SLC35F3: variants seen among roughly 807,000 people sequenced by gnomAD.
SLC35F3 encodes solute carrier family 35 member F3.
SLC35F3 carries 25 observed loss-of-function variants against 49.9 expected under a neutral mutation model. The ratio of observed to expected loss-of-function variants is 0.50; its 90% CI spans 0.37 to 0.70. The LOEUF is 0.70. SLC35F3 is among the 30% of genes least tolerant of loss of function. The probability of loss-of-function intolerance (pLI) is 0.00; values close to 1 mark genes in which losing one functional copy is unlikely to be tolerated. For missense variants in SLC35F3, 525 were observed against 639.8 expected, an observed-to-expected ratio of 0.82 and a Z score of 1.94; for synonymous variants, 275 against 265.4, an observed-to-expected ratio of 1.04 and a Z score of -0.35.
At chr1:233,938,695 TGGA>T (rs1662373713) in intron 2 of SLC35F3, among the ~76,000 whole-genome samples, 1 of 151,114 alleles carries the variant, frequency 6.6e-6, no homozygotes, top group Middle Eastern at 3.2e-3. Flanking sequence ...GATGGATGGA[TGGA>T]TGAATGGATG....
At chr1:234,011,545 G>A (rs1352233693) in intron 2 of SLC35F3, among the ~76,000 whole-genome samples, 4 of 152,080 alleles carry the variant, frequency 2.6e-5, no homozygotes, top group African/African-American at 9.7e-5. Context: ...ACATTGCAAG[G>A]CATACTCACG....
chr1:234,261,258 G>T (rs1252228059), intron 3 of SLC35F3, among the ~76,000 whole-genome samples: 3 of 152,154 alleles, frequency 2.0e-5, no homozygotes, highest in Non-Finnish European at 4.4e-5. Context: ...AGGAATAAAA[G>T]AACGGCCACT....
chr1:234,188,120 C>T lies in SLC35F3; in HGVS notation c.284-43297C>T, dbSNP rs536186378. ...GGCATGGTGGCACATGCCTGTAATC[C>T]CAGCTACTTGGTAGGCTGAGGCAGG... On this transcript the variant is annotated intron_variant, in intron 2 of 7. Transcript: ENST00000366618. 5.9e-5 allele frequency among the ~76,000 whole-genome samples: 9 copies of T among 152,172 alleles called. No individual in the cohort carries two copies. The East Asian group carries it at 1.7e-3, about 29-fold the overall frequency.
At chr1:234,152,076 G>A (rs1432651160) in intron 2 of SLC35F3, among the ~76,000 whole-genome samples, 1 of 149,848 alleles carries the variant, frequency 6.7e-6, no homozygotes, top group African/African-American at 2.5e-5. Flanking sequence ...ATATTTTCTT[G>A]TAAAGTTATG....
At chr1:234,171,869 A>G (rs1369164560) in intron 2 of SLC35F3, among the ~76,000 whole-genome samples, 1 of 152,218 alleles carries the variant, frequency 6.6e-6, no homozygotes, top group African/African-American at 2.4e-5. Flanking sequence ...TGATCACTAT[A>G]CATTATATGT....
At chr1:234,059,667 G>GACATAC (rs1664512123) in intron 2 of SLC35F3, among the ~76,000 whole-genome samples, 1 of 150,492 alleles carries the variant, frequency 6.6e-6, no homozygotes, top group Non-Finnish European at 1.5e-5. Flanking sequence ...CATAGACATA[G>GACATAC]ACATAGACAT....
Position 234,046,677 on chromosome 1 carries a change from G to A in SLC35F3, c.283+140919G>A, listed in dbSNP as rs1462457081. On this transcript the variant is annotated intron_variant, in intron 2 of 7. Transcript: ENST00000366618. This position sits in a 1 kb window ranked among gnomAD's most constrained non-coding sequence, Gnocchi z 4.4. ...TCTAAGAAGTACTTCTGTAGTCTGAGATTATAAAGATATTCTTCTACTATT... is the reference window on the plus strand; with the variant it reads ...TCTAAGAAGTACTTCTGTAGTCTGAAATTATAAAGATATTCTTCTACTATT... Among the ~76,000 whole-genome samples, 1 of 152,086 alleles carries A rather than the reference G, an allele frequency of 6.6e-6. No individual in the cohort carries two copies. Among genetic ancestry groups the A allele is most frequent in the South Asian group, 2.1e-4 (1 of 4,822 alleles).
intron 2 of SLC35F3, among the ~76,000 whole-genome samples, chr1:234,050,943 G>A (rs9435497): frequency 0.019 from 2,871 of 152,234 alleles, 98 homozygotes; most frequent in African/African-American, 0.066. Context: ...AGATCACATG[G>A]TTGTAGATGT....
intron 2 of SLC35F3, among the ~76,000 whole-genome samples, chr1:234,147,825 A>G (rs145683414): frequency 6.6e-6 from 1 of 152,344 alleles, no homozygotes; most frequent in Non-Finnish European, 1.5e-5. Context: ...TTATTACAGT[A>G]CAGAGTGCTG....
In SLC35F3 at chr1:234,231,392, C is replaced by A. The variant is rs1379288230; in HGVS notation, c.284-25C>A. ...CAGGGGTGAAGGTCTGCAGGCCCCG[C>A]TAACCACGCCCTTCTCTTCCCCAGG... On this transcript the variant is annotated intron_variant, in intron 2 of 7. Coordinates refer to ENST00000366618, the MANE Select transcript of SLC35F3 (RefSeq NM_173508.4). This position sits in a 1 kb window ranked among gnomAD's most constrained non-coding sequence, Gnocchi z 5.4. 1.4e-6 allele frequency: 2 copies of A among 1,481,136 alleles called. No individual in the cohort carries two copies. The highest frequency in any genetic ancestry group is 2.5e-5 in the East Asian group (1 of 40,708). The allele number at this position is 1,481,136 out of a possible 1,614,324, so 91.7% of individuals were successfully genotyped here.
intron 2 of SLC35F3, among the ~76,000 whole-genome samples, chr1:233,993,441 C>G (rs956820294): frequency 7.9e-5 from 12 of 152,210 alleles, no homozygotes; most frequent in Admixed American, 5.2e-4. Context: ...AGCTAAAACT[C>G]ACAGCTTTCT....
chr1:234,170,010 G>A (rs1014359636), intron 2 of SLC35F3, among the ~76,000 whole-genome samples: 32 of 152,010 alleles, frequency 2.1e-4, no homozygotes, highest in Non-Finnish European at 1.9e-4. Context: ...CTCATGATCC[G>A]CCTGCCTCGG....
intron 2 of SLC35F3, among the ~76,000 whole-genome samples, chr1:234,183,979 AGAGACCTATCAGCTATAACAAAAAAAG>A (rs1666597320): frequency 8.5e-6 from 1 of 117,498 alleles, no homozygotes; most frequent in Admixed American, 1.4e-4. Context: ...TGAGATCTTA[AGAGACCTATCAGCTATAACAAAAAAAG>A]GAGCACTCAG....
intron 3 of SLC35F3, among the ~76,000 whole-genome samples, chr1:234,307,096 G>A (rs774356562): frequency 2.0e-5 from 3 of 152,184 alleles, no homozygotes; most frequent in Non-Finnish European, 4.4e-5. Context: ...ACTGCCCCTG[G>A]GGGAACAGAC....
chr1:234,275,348 T>A (rs1028232385), intron 3 of SLC35F3, among the ~76,000 whole-genome samples: 3 of 150,706 alleles, frequency 2.0e-5, no homozygotes, highest in African/African-American at 7.4e-5. Context: ...AAAAAAAAAA[T>A]TAGAAATTCA....
intron 3 of SLC35F3, among the ~76,000 whole-genome samples, chr1:234,246,060 C>T (rs2102959353): frequency 6.6e-6 from 1 of 152,302 alleles, no homozygotes; most frequent in Middle Eastern, 3.4e-3. Context: ...GGTATTGCTG[C>T]TACCACCTTT....
intron 2 of SLC35F3, among the ~76,000 whole-genome samples, chr1:233,932,571 T>C (rs1662262513): frequency 6.6e-6 from 1 of 152,306 alleles, no homozygotes; most frequent in Non-Finnish European, 1.5e-5. Flanking sequence ...TGTATGTGTA[T>C]GTAAAAGGGT....
Position 234,231,698 on chromosome 1 carries a change from G to C in SLC35F3, c.565G>C (p.Val189Leu). Residue 189 changes from valine to leucine, a missense_variant, in exon 3 of 8, where the codon GTC becomes CTC. Val to Leu is a conservative substitution (Grantham distance 32, BLOSUM62 1). This residue lies in a region of SLC35F3 where 216 missense variants were observed against 298.1 expected (regional missense o/e 0.72). Transcript: ENST00000366618. This position sits in a 1 kb window ranked among gnomAD's most constrained non-coding sequence, Gnocchi z 5.4. ...LFFPLYYVGH[V>L]CKSTEKQSVK... is the part of the protein sequence containing the mutation. The stretch of plus-strand genomic sequence containing the variant: ...CTTCCCGTTGTACTACGTGGGGCAC[G>C]TCTGCAAGTCCACAGAGAAGCAGTC... 3.1e-6 allele frequency: 5 copies of C among 1,613,842 alleles called. No individual in the cohort carries two copies. The highest frequency in any genetic ancestry group is 3.4e-6 in the Non-Finnish European group (4 of 1,179,818).
At chr1:234,287,859 A>G (rs1668446884) in intron 3 of SLC35F3, among the ~76,000 whole-genome samples, 1 of 152,204 alleles carries the variant, frequency 6.6e-6, no homozygotes, top group Admixed American at 6.5e-5. Flanking sequence ...TTGGATTGAA[A>G]GACTATTGCC....
Sources: allele counts gnomAD v4.1 joint callset (sites outside exome capture counted in the v4.1 genomes callset), GRCh38; gene constraint gnomAD v4.1.1; regional missense constraint gnomAD v4.1.1; non-coding constraint Gnocchi (gnomAD v3.1); transcripts MANE v1.5; gene names NCBI Gene and HGNC (gene_info 2026-07-23, HGNC 2026-07-21).